KIF21B: variants seen among roughly 807,000 people sequenced by gnomAD.
KIF21B encodes the protein kinesin family member 21B.
A neutral mutation model predicts 192.9 loss-of-function variants in KIF21B; 85 were observed. The observed-to-expected ratio is 0.44, with a 90% CI of 0.37 to 0.53. The LOEUF (loss-of-function observed/expected upper bound fraction) is 0.53. Among genes scored for constraint, KIF21B ranks in the 20% least tolerant of loss-of-function variants. The pLI, the probability that KIF21B is intolerant of heterozygous loss-of-function variation, is 0.00. For missense variants in KIF21B, 1,716 were observed against 2,194.8 expected, an observed-to-expected ratio of 0.78 and a Z score of 4.36; for synonymous variants, 832 against 884.6, an observed-to-expected ratio of 0.94 and a Z score of 1.05.
In KIF21B at chr1:200,973,522, T is replaced by C; in HGVS notation, c.4871A>G (p.Ter1624TrpextTer2). 2 of 1,479,232 alleles carry C rather than the reference T, an allele frequency of 1.4e-6. No homozygotes were observed. The highest frequency in any genetic ancestry group is 1.8e-6 in the Non-Finnish European group (2 of 1,127,258). The allele number at this position is 1,479,232 out of a possible 1,614,324, so 91.6% of individuals were successfully genotyped here. Residue 1624 changes from the stop codon to tryptophan (W), a stop_lost, in exon 35 of 35, where the codon TAG becomes TGG. Coordinates refer to ENST00000461742, the MANE Select transcript of KIF21B (RefSeq NM_001252102.2). ...VRRLPHSGPP[*>W] is the part of the protein sequence containing the mutation. Reference sequence around the variant, plus strand: ...GGGGGCATCCCTCTGACCTCACTCCTAGGGTGGGCCGCTGTGGGGTAACCG... The same window carrying C: ...GGGGGCATCCCTCTGACCTCACTCCCAGGGTGGGCCGCTGTGGGGTAACCG...
chr1:201,013,089 A>G (rs1658324373), intron 1 of KIF21B, among the ~76,000 whole-genome samples: 1 of 152,196 alleles, frequency 6.6e-6, no homozygotes, highest in Admixed American at 6.5e-5. Flanking sequence ...GAGGGCTCAC[A>G]GTTTGGCGGT....
chr1:200,996,513 C>G (rs963870434), intron 14 of KIF21B, 118 bp from the exon 15 acceptor site: 1 of 832,198 alleles, frequency 1.2e-6, no homozygotes, highest in Non-Finnish European at 1.9e-6. Flanking sequence ...TGACCTTGGG[C>G]AAGTCACACC....
rs373198983 is a variant in KIF21B, at chr1:201,008,965, G to T, written c.265-14C>A. The T allele has an allele frequency of 8.0e-5, 128 of 1,602,254 alleles. No individual in the cohort carries two copies. The highest frequency in any genetic ancestry group is 1.0e-4 in the Non-Finnish European group (122 of 1,177,000). ...CCCGGCCCCCGTCTGCATTGGCAAA[G>T]ATAGGAGGGTGTAACCCTGCACCCT... On this transcript the variant is annotated splice_polypyrimidine_tract_variant and intron_variant, in intron 2 of 34. Transcript: ENST00000461742.
chr1:200,976,762 C>T lies in KIF21B; in HGVS notation c.4443+14G>A, dbSNP rs762550235. 1.3e-6 allele frequency: 2 copies of T among 1,572,840 alleles called. No homozygotes were observed. The highest frequency in any genetic ancestry group is 1.7e-6 in the Non-Finnish European group (2 of 1,144,980). On this transcript the variant is annotated intron_variant, in intron 32 of 34. Coordinates refer to ENST00000461742, the MANE Select transcript of KIF21B (RefSeq NM_001252102.2). ...GGAAGACCAGCCCCGACCCAGGCCT[C>T]ATAGCTGAGGTACCTTAACGTAGTG...
rs747633232 is a variant in KIF21B, at chr1:201,000,991, C to T, written c.1403-211G>A. 6.6e-6 allele frequency among the ~76,000 whole-genome samples: 1 copy of T among 151,956 alleles called. No individual in the cohort carries two copies. Among genetic ancestry groups the T allele is most frequent in the Non-Finnish European group, 1.5e-5 (1 of 68,006 alleles). On this transcript the variant is annotated intron_variant, in intron 9 of 34. Transcript: ENST00000461742. The surrounding 1 kb of genome is among the most constrained non-coding windows in gnomAD (Gnocchi z 6.0). ...GCGTGGTGGCGCATGCCTCTAATCC[C>T]AGCTACTCGGGACGCTGAGGCAGGA...
intron 16 of KIF21B, 127 bp from the exon 17 acceptor site, chr1:200,991,852 T>C: frequency 1.0e-6 from 1 of 972,884 alleles, no homozygotes; most frequent in South Asian, 1.5e-5. Context: ...AGCCAAACTC[T>C]TGATAAAGTG....
chr1:200,990,306 C>T lies in KIF21B; in HGVS notation c.2862G>A (p.Gln954=), dbSNP rs534804480. ...IKKREELFLL[Q]EALRRKRERL... ...GCTCCCGCTTCCTCCGCAGTGCCTCCTGCAGGAGGAACAGCTCCTCCCTTT... is the reference window on the plus strand; with the variant it reads ...GCTCCCGCTTCCTCCGCAGTGCCTCTTGCAGGAGGAACAGCTCCTCCCTTT... The change falls in exon 20 of 35, where the codon CAG becomes CAA. Residue 954 remains glutamine (Q), a synonymous_variant. Transcript: ENST00000461742. The surrounding 1 kb of genome is among the most constrained non-coding windows in gnomAD (Gnocchi z 5.4). The T allele has an allele frequency of 5.6e-6, 9 of 1,612,578 alleles. No individual in the cohort carries two copies. In the African/African-American group the frequency reaches 1.1e-4, roughly 19 times the overall value.
intron 30 of KIF21B, among the ~76,000 whole-genome samples, chr1:200,978,568 A>G (rs1469119260): frequency 6.6e-6 from 1 of 152,088 alleles, no homozygotes; most frequent in Non-Finnish European, 1.5e-5. Context: ...TTTATGTTAG[A>G]GTTCACTCTT....
At chr1:200,996,076 G>A (rs1657040271) in intron 15 of KIF21B, 120 bp downstream of exon 15, 2 of 1,022,560 alleles carry the variant, frequency 2.0e-6, no homozygotes, top group South Asian at 2.8e-5. Context: ...CTAGGTTAAT[G>A]CTGTGTGTTG....
intron 3 of KIF21B, among the ~76,000 whole-genome samples, chr1:201,007,678 AC>A (rs1657982194): frequency 6.6e-6 from 1 of 151,784 alleles, no homozygotes; most frequent in South Asian, 2.1e-4. Flanking sequence ...ACACATAGAC[AC>A]ACGCACAGAC....
At position 201,009,323 on chromosome 1, in the gene KIF21B, G is replaced by T. The variant is rs780281131; in HGVS notation, c.207C>A (p.Ser69Arg). ...WQEQIYSTCV[S>R]KLIEGCFEGY... ...CCTCGAAGCAGCCCTCGATGAGCTT[G>T]CTCACACAGGTGGAATAGATCTGTT... Residue 69 changes from serine (S) to arginine (R), a missense_variant, in exon 2 of 35, where the codon AGC (serine) becomes AGA (arginine). Transcript: ENST00000461742. 1.1e-5 allele frequency: 17 copies of T among 1,614,284 alleles called. No homozygotes were observed. The South Asian group carries it at 1.8e-4, about 17-fold the overall frequency.
At chr1:200,988,689 A>G in intron 22 of KIF21B, 77 bp downstream of exon 22, 1 of 1,539,844 alleles carries the variant, frequency 6.5e-7, no homozygotes. Context: ...TGGGGAAGTG[A>G]GGGCCTTGTG....
intron 31 of KIF21B, 72 bp downstream of exon 31, chr1:200,977,140 C>T: frequency 6.5e-7 from 1 of 1,538,648 alleles, no homozygotes; most frequent in Non-Finnish European, 8.8e-7. Context: ...GGGGTGGGTC[C>T]CCCTGAACCA....
At position 200,972,090 on chromosome 1, in the gene KIF21B, G is replaced by A. The variant is rs1267536449; in HGVS notation, c.*1431C>T. ...GGGCGGGGGAGAGGGATGGAGCTCA[G>A]TCCCCCCCAAGGCCCACTCCTGTAA... On this transcript the variant is annotated 3_prime_UTR_variant, in exon 35 of 35. Transcript: ENST00000461742. The A allele has an allele frequency of 6.6e-6, 1 of 151,904 alleles. No homozygotes were observed. Among genetic ancestry groups the A allele is most frequent in the Non-Finnish European group, 1.5e-5 (1 of 67,944 alleles). The allele number at this position is 151,904 out of a possible 1,614,324, so 9.4% of individuals were successfully genotyped here. A position where few individuals can be genotyped will look rare whatever the true frequency, so the allele number is the denominator to read the frequency against.
chr1:200,987,545 G>T (rs140925201), intron 24 of KIF21B, among the ~76,000 whole-genome samples: 2 of 152,076 alleles, frequency 1.3e-5, no homozygotes, highest in Non-Finnish European at 2.9e-5. Flanking sequence ...CACCCAGCCC[G>T]CCCGGAAATT....
intron 34 of KIF21B, 84 bp downstream of exon 34, chr1:200,974,630 A>C: frequency 7.0e-7 from 1 of 1,423,780 alleles, no homozygotes; most frequent in Non-Finnish European, 9.8e-7. Flanking sequence ...GGACAACTGC[A>C]GGGCCCTGAG....
intron 15 of KIF21B, among the ~76,000 whole-genome samples, chr1:200,995,803 C>T (rs1390247630): frequency 6.6e-6 from 1 of 152,192 alleles, no homozygotes; most frequent in Non-Finnish European, 1.5e-5. Flanking sequence ...ACGATGGTAA[C>T]TGTTACTATT....
intron 26 of KIF21B, among the ~76,000 whole-genome samples, chr1:200,986,128 C>A (rs1289769284): frequency 6.6e-6 from 1 of 151,204 alleles, no homozygotes; most frequent in Non-Finnish European, 1.5e-5. Flanking sequence ...ATTACTGGCG[C>A]CCGGCCTTTC....
rs1443459784 is a variant in KIF21B, at chr1:200,999,233, C to T, written c.1885+116G>A. 1.1e-5 allele frequency: 14 copies of T among 1,254,006 alleles called. No homozygotes were observed. Among genetic ancestry groups the T allele is most frequent in the African/African-American group, 8.8e-5 (6 of 68,152 alleles). The allele number at this position is 1,254,006 out of a possible 1,614,324, so 77.7% of individuals were successfully genotyped here. The stretch of plus-strand genomic sequence containing the variant: ...TGACTGCCTGTTGTCATTGGTTTCA[C>T]GTCTGGGAGTGCTGGGGCCTGGACA... On this transcript the variant is annotated intron_variant, in intron 13 of 34. Transcript: ENST00000461742. This position sits in a 1 kb window ranked among gnomAD's most constrained non-coding sequence, Gnocchi z 4.7.
Sources: gnomAD v4.1 joint callset for allele counts (sites outside exome capture counted in the v4.1 genomes callset) on GRCh38, gnomAD v4.1.1 for gene constraint, Gnocchi (gnomAD v3.1) non-coding constraint, MANE v1.5 for transcripts, NCBI Gene and HGNC (gene_info 2026-07-23, HGNC 2026-07-21) for gene names.